Variants in PCDH15 observed in about 807,000 individuals in gnomAD.
PCDH15 encodes the protein protocadherin-15.
Under a neutral mutation model 178.5 loss-of-function variants are expected in PCDH15, and 129 were observed. That is an observed-to-expected ratio of 0.72 (90% CI 0.63 to 0.84). The LOEUF (loss-of-function observed/expected upper bound fraction) is 0.84, where lower values mean the gene tolerates loss of function less well. Among genes scored for constraint, PCDH15 ranks in the 40% least tolerant of loss-of-function variants. The pLI is 0.00. For synonymous variants in PCDH15, 800 were observed against 732.0 expected (o/e 1.09, Z -1.50); for missense variants, 2,230 against 2,099.9 (o/e 1.06, Z -1.21).
chr10:53,831,475 C>T lies in PCDH15; in HGVS notation c.4042G>A (p.Gly1348Arg), dbSNP rs367943835. Residue 1348 changes from glycine (G) to arginine (R), a missense_variant, in exon 30 of 38, where the codon GGA becomes AGA. Transcript: ENST00000644397. ...GTCCGGATCTCCAGAATGCGTCCTC[C>T]TTCCCCATAATACGGCTGAAAGTCT... ...NKDFQPYYGE[G>R]GRILEIRTPE... The T allele has an allele frequency of 6.2e-7, 1 of 1,614,182 alleles. No individual in the cohort carries two copies.
chr10:55,499,856 CAT>C (rs1418278408), intron 2 of PCDH15, among the ~76,000 whole-genome samples: 1 of 151,564 alleles, frequency 6.6e-6, no homozygotes, highest in African/African-American at 2.4e-5. Flanking sequence ...TTTCAAATAT[CAT>C]ATAAAATAGG....
chr10:55,564,209 C>A (rs545192564), intron 2 of PCDH15, among the ~76,000 whole-genome samples: 2 of 151,422 alleles, frequency 1.3e-5, no homozygotes, highest in East Asian at 3.9e-4. Flanking sequence ...TTTGAATGCA[C>A]AATGTATAGA....
intron 15 of PCDH15, among the ~76,000 whole-genome samples, chr10:54,125,446 C>T (rs1046485846): frequency 5.3e-5 from 8 of 151,980 alleles, no homozygotes; most frequent in African/African-American, 1.5e-4. Flanking sequence ...ATGAAGCAAC[C>T]ACAAAAAATT....
In PCDH15 at chr10:54,074,868, GTTGTT is replaced by G. The variant is rs200483436; in HGVS notation, c.2091+4458_2091+4462del. Reference sequence around the variant, plus strand: ...CTCATCAACATGTTATGTTGTTGTTGTTGTTTTGTTTTGTTTTCTGTTTGTTTTTT... The same window carrying G: ...CTCATCAACATGTTATGTTGTTGTTGTTGTTTTGTTTTCTGTTTGTTTTTT... On this transcript the variant is annotated intron_variant, in intron 17 of 37. Transcript: ENST00000644397. Among the ~76,000 whole-genome samples the G allele has an allele frequency of 9.2e-3, 1,396 of 152,132 alleles. 13 individuals carry two copies. The highest frequency in any genetic ancestry group is 0.031 in the African/African-American group (1,300 of 41,526).
chr10:55,437,086 G>T (rs541103897), intron 2 of PCDH15, among the ~76,000 whole-genome samples: 1 of 152,254 alleles, frequency 6.6e-6, no homozygotes, highest in African/African-American at 2.4e-5. Context: ...TAAAAGCGAT[G>T]ACTATAATGA....
At chr10:55,621,081 C>T (rs1273489135) in intron 2 of PCDH15, among the ~76,000 whole-genome samples, 2 of 151,790 alleles carry the variant, frequency 1.3e-5, no homozygotes, top group Non-Finnish European at 2.9e-5. Context: ...ATTGATTCAT[C>T]AAATTATTAA....
At chr10:55,094,867 A>T (rs2246349) in intron 2 of PCDH15, among the ~76,000 whole-genome samples, 67,994 of 150,938 alleles carry the variant, frequency 0.45, 19,009 homozygotes, top group African/African-American at 0.79. Context: ...ATATCTGATA[A>T]GTTAATATAC....
intron 1 of PCDH15, among the ~76,000 whole-genome samples, chr10:55,184,046 A>G (rs543240208): frequency 1.3e-5 from 2 of 152,048 alleles, no homozygotes; most frequent in East Asian, 1.9e-4. Context: ...CAGGAGCCGT[A>G]TAACTCTTGG....
At chr10:54,495,914 C>A in intron 3 of PCDH15, among the ~76,000 whole-genome samples, 1 of 152,142 alleles carries the variant, frequency 6.6e-6, no homozygotes, top group East Asian at 1.9e-4. Flanking sequence ...AATCTACAAG[C>A]ATTCCTCTAT....
chr10:54,026,019 G>A (rs564835354), intron 18 of PCDH15, among the ~76,000 whole-genome samples: 3 of 151,810 alleles, frequency 2.0e-5, no homozygotes, highest in Admixed American at 6.6e-5. Flanking sequence ...ATGTGTGCAA[G>A]TGTGTGTATA....
intron 2 of PCDH15, among the ~76,000 whole-genome samples, chr10:55,341,329 C>T (rs1844549864): frequency 6.6e-6 from 1 of 151,846 alleles, no homozygotes; most frequent in South Asian, 2.1e-4. Flanking sequence ...AAAGTCTTTA[C>T]CTATAATATT....
At chr10:55,184,513 G>C (rs1467750205) in intron 1 of PCDH15, among the ~76,000 whole-genome samples, 13 of 151,938 alleles carry the variant, frequency 8.6e-5, no homozygotes, top group Non-Finnish European at 2.9e-5. Context: ...TCTCAAGAAA[G>C]TTGATGAATA....
At chr10:54,786,203 T>G (rs1269741138) in intron 1 of PCDH15, among the ~76,000 whole-genome samples, 5 of 152,048 alleles carry the variant, frequency 3.3e-5, no homozygotes, top group African/African-American at 1.2e-4. Flanking sequence ...CAGTCATGCA[T>G]TCATCTGTAT....
chr10:53,827,526 T>C lies in PCDH15; in HGVS notation c.4234A>G (p.Thr1412Ala). 1 of 1,614,142 alleles carries C rather than the reference T, an allele frequency of 6.2e-7. No individual in the cohort carries two copies. Among genetic ancestry groups the C allele is most frequent in the African/African-American group, 1.3e-5 (1 of 75,070 alleles). The change falls in exon 32 of 38, where the codon ACT becomes GCT. Residue 1412 changes from threonine (T) to alanine (A), a missense_variant. By Grantham distance (58) the Thr-to-Ala change is moderately conservative (BLOSUM62 0). Transcript: ENST00000644397. ...FKVRQAECTK[T>A]ARIQAALPAA... Reference sequence around the variant, plus strand: ...GGTAATGCGGCCTGAATTCGTGCAGTCTTTGTACACTCAGCTTGACGTCTT... The same window carrying C: ...GGTAATGCGGCCTGAATTCGTGCAGCCTTTGTACACTCAGCTTGACGTCTT...
At chr10:54,092,164 T>A (rs115179361) in intron 15 of PCDH15, among the ~76,000 whole-genome samples, 1 of 152,148 alleles carries the variant, frequency 6.6e-6, no homozygotes, top group African/African-American at 2.4e-5. Context: ...TCAGGGCTCA[T>A]AGCTACACTT....
intron 29 of PCDH15, 48 bp downstream of exon 29, chr10:53,840,272 G>T: frequency 6.4e-7 from 1 of 1,567,886 alleles, no homozygotes; most frequent in Non-Finnish European, 8.8e-7. Context: ...ATCATCTATG[G>T]TTGCTATTGT....
intron 1 of PCDH15, among the ~76,000 whole-genome samples, chr10:54,721,549 G>A (rs1221884511): frequency 9.9e-5 from 15 of 151,838 alleles, no homozygotes; most frequent in Admixed American, 5.3e-4. Flanking sequence ...CATTAAAACT[G>A]ATACTACAGA....
intron 15 of PCDH15, among the ~76,000 whole-genome samples, chr10:54,101,417 C>T (rs2094810040): frequency 2.6e-5 from 4 of 152,128 alleles, no homozygotes; most frequent in Admixed American, 2.6e-4. Context: ...GCCATCAACA[C>T]TTTGAGCTAA....
rs1047840317 is a variant in PCDH15, at chr10:55,222,167, G to A, written c.-155-55516C>T. 1.1e-4 allele frequency among the ~76,000 whole-genome samples: 16 copies of A among 151,758 alleles called. No homozygotes were observed. The South Asian group carries it at 1.2e-3, about 12-fold the overall frequency. On this transcript the variant is annotated intron_variant, in intron 1 of 5. Coordinates refer to the PCDH15 transcript ENST00000458638. The stretch of plus-strand genomic sequence containing the variant: ...TGGGATTACAGGTGTGAGCCACCGC[G>A]CCCAGCCTATATAATTTAATTTTTA...
Sources: allele counts gnomAD v4.1 joint callset (sites outside exome capture counted in the v4.1 genomes callset), GRCh38; gene constraint gnomAD v4.1.1; transcripts MANE v1.5; gene names NCBI Gene and HGNC (gene_info 2026-07-23, HGNC 2026-07-21).